Variants in BBOF1 observed in about 807,000 individuals in gnomAD.
BBOF1 encodes basal body orientation factor 1.
A neutral mutation model predicts 68.0 loss-of-function variants in BBOF1; 62 were observed. The ratio of observed to expected loss-of-function variants is 0.91; its 90% confidence interval spans 0.74 to 1.13. The LOEUF (loss-of-function observed/expected upper bound fraction) is 1.13. Ranked by LOEUF, BBOF1 falls within the 50% of genes most tolerant of loss-of-function variation. BBOF1 has a pLI of 0.00. For synonymous variants in BBOF1, 208 were observed against 198.8 expected (o/e 1.05, Z -0.39); for missense variants, 534 against 600.1 (o/e 0.89, Z 1.15).
downstream of BBOF1, chr14:74,070,929 A>T: frequency 2.1e-6 from 1 of 468,948 alleles, no homozygotes; most frequent in South Asian, 2.2e-5. Context: ...TGAAGAAAAA[A>T]GTTTCTTTTT....
chr14:74,032,292 A>G (rs1453029579), intron 3 of BBOF1, among the ~76,000 whole-genome samples: 1 of 151,266 alleles, frequency 6.6e-6, no homozygotes, highest in African/African-American at 2.4e-5. Flanking sequence ...ACACCTGGCT[A>G]ACTTTTGTAT....
chr14:74,035,181 C>T (rs189523068), intron 4 of BBOF1, among the ~76,000 whole-genome samples: 22 of 152,050 alleles, frequency 1.4e-4, no homozygotes, highest in Non-Finnish European at 2.5e-4. Flanking sequence ...TAAAATAGCA[C>T]GTCACATGGT....
intron 8 of BBOF1, among the ~76,000 whole-genome samples, chr14:74,052,126 T>A (rs1433828000): frequency 6.6e-6 from 1 of 151,816 alleles, no homozygotes; most frequent in Non-Finnish European, 1.5e-5. Flanking sequence ...TCAAATAAGT[T>A]GAGTCCCTAC....
rs1375071449 is a variant in BBOF1 at position 74,057,197 on chromosome 14, C to G, written c.1517C>G (p.Ser506Ter). 1.2e-6 allele frequency: 2 copies of G among 1,614,022 alleles called. No individual in the cohort carries two copies. Among genetic ancestry groups the G allele is most frequent in the Non-Finnish European group, 1.7e-6 (2 of 1,179,928 alleles). Residue 506 changes from serine (S) to a stop codon, truncating the protein, a stop_gained, in exon 11 of 12, where the codon TCA (serine) becomes TGA (stop). Coordinates refer to ENST00000394009, the MANE Select transcript of BBOF1 (RefSeq NM_025057.3). LOFTEE classifies it high-confidence loss of function. ...KIFITQQIAI[S>*]DSSGEVVLPT... Reference sequence around the variant, plus strand: ...TTCATCACCCAGCAAATTGCAATATCAGACTCTTCTGGTGAAGTGGTGCTA... The same window carrying G: ...TTCATCACCCAGCAAATTGCAATATGAGACTCTTCTGGTGAAGTGGTGCTA...
At chr14:74,027,704 G>A (rs754078544) in intron 2 of BBOF1, among the ~76,000 whole-genome samples, 4 of 152,026 alleles carry the variant, frequency 2.6e-5, no homozygotes, top group Non-Finnish European at 4.4e-5. Context: ...GTACTGAAAA[G>A]GATACATCAT....
intron 11 of BBOF1, among the ~76,000 whole-genome samples, chr14:74,063,571 A>AAG (rs775914703): frequency 1.3e-5 from 2 of 151,968 alleles, no homozygotes; most frequent in Non-Finnish European, 2.9e-5. Context: ...TTAAGGCATA[A>AAG]AGAAGGTATC....
intron 3 of BBOF1, among the ~76,000 whole-genome samples, chr14:74,032,648 C>T (rs2059600089): frequency 6.6e-6 from 1 of 151,646 alleles, no homozygotes; most frequent in Non-Finnish European, 1.5e-5. Context: ...TGCGTGCCAC[C>T]ATGCCTGGCT....
chr14:74,039,595 A>AT (rs35078321), intron 4 of BBOF1, among the ~76,000 whole-genome samples: 73,777 of 144,956 alleles, frequency 0.51, 19,056 homozygotes, highest in East Asian at 0.89. Flanking sequence ...CGCCTGGCTA[A>AT]TTTTTTTTTT....
intron 11 of BBOF1, among the ~76,000 whole-genome samples, chr14:74,064,293 G>A (rs1459499203): frequency 2.5e-5 from 3 of 118,492 alleles, no homozygotes; most frequent in African/African-American, 3.7e-5. Context: ...GCGAGACTGT[G>A]TCTCAAAAAA....
chr14:74,065,799 A>G lies in BBOF1; in HGVS notation c.*1100A>G, dbSNP rs1443179458. On this transcript the variant is annotated 3_prime_UTR_variant, in exon 12 of 12. Transcript: ENST00000394009. ...TCTGTAACATAAATAATCCATTCTT[A>G]TTCACTCCTTTGCCTCCCAAATATG... 5.2e-6 allele frequency: 1 copy of G among 190,630 alleles called. No individual in the cohort carries two copies. The highest frequency in any genetic ancestry group is 1.1e-5 in the Non-Finnish European group (1 of 90,746). 11.8% of individuals were successfully genotyped at this position (190,630 alleles called of 1,614,324 possible).
intron 11 of BBOF1, chr14:74,058,135 G>A (rs1318743281): frequency 6.5e-6 from 1 of 154,578 alleles, no homozygotes. Flanking sequence ...AGACCATCCT[G>A]GCTAACATGG....
At chr14:74,057,118 G>T in intron 10 of BBOF1, 26 bp from the exon 11 acceptor site, 1 of 1,604,918 alleles carries the variant, frequency 6.2e-7, no homozygotes, top group Non-Finnish European at 8.5e-7. Flanking sequence ...GTTGTTGACG[G>T]TTCTGTTATT....
chr14:74,047,225 C>T (rs1343569421), intron 6 of BBOF1, among the ~76,000 whole-genome samples: 1 of 152,108 alleles, frequency 6.6e-6, no homozygotes, highest in Non-Finnish European at 1.5e-5. Context: ...TCTTGTTCAT[C>T]GAACAATCCT....
chr14:74,049,770 C>G lies in BBOF1; in HGVS notation c.861C>G (p.Thr287=). 1 of 1,614,106 alleles carries G rather than the reference C, an allele frequency of 6.2e-7. No individual in the cohort carries two copies. Among genetic ancestry groups the G allele is most frequent in the South Asian group, 1.1e-5 (1 of 91,078 alleles). The change falls in exon 8 of 12, where the codon ACC becomes ACG. Residue 287 remains threonine (T), a synonymous_variant. Transcript: ENST00000394009. ...TCCAGCAGAGATCACAAATCCAAAC[C>G]CTTCAGAAGAAGGTAGTAAACTTGG... The part of the protein sequence containing the change: ...QLVQQRSQIQ[T]LQKKVVNLET...
intron 8 of BBOF1, among the ~76,000 whole-genome samples, chr14:74,051,548 A>G (rs2060067955): frequency 1.3e-5 from 2 of 151,760 alleles, no homozygotes; most frequent in East Asian, 1.9e-4. Context: ...AAATTTTCCA[A>G]AATTTTAGAG....
At chr14:74,047,039 C>T (rs930327459) in intron 6 of BBOF1, among the ~76,000 whole-genome samples, 1 of 152,152 alleles carries the variant, frequency 6.6e-6, no homozygotes, top group Non-Finnish European at 1.5e-5. Context: ...CATTTCTTAA[C>T]TTTCTTGAAG....
At chr14:74,070,835 T>C (rs1256005088), downstream of BBOF1, 1 of 281,264 alleles carries the variant, frequency 3.6e-6, no homozygotes, top group African/African-American at 2.2e-5. Flanking sequence ...GTATTAGCTA[T>C]TATTACATGA....
rs143969493 is a variant in BBOF1 at position 74,075,842 on chromosome 14, G to T, written n.1380-2354G>T. ...GGAAACAACCCAATGTCTACCATTG[G>T]ATGGGTGAATAAGGAAACTAATGTG... On this transcript the variant is annotated intron_variant and non_coding_transcript_variant, in intron 9 of 12. Coordinates refer to the BBOF1 transcript ENST00000492026. Among the ~76,000 whole-genome samples, 45 of 152,224 alleles carry T rather than the reference G, an allele frequency of 3.0e-4. 1 individual carries two copies. The East Asian group carries it at 8.3e-3, about 28-fold the overall frequency.
downstream of BBOF1, chr14:74,067,410 C>T (rs753692427): frequency 6.2e-7 from 1 of 1,613,794 alleles, no homozygotes; most frequent in African/African-American, 1.3e-5. Flanking sequence ...TTGGCATGCT[C>T]CACCAGCTCT....
Sources: allele counts gnomAD v4.1 joint callset (sites outside exome capture counted in the v4.1 genomes callset), GRCh38; gene constraint gnomAD v4.1.1; transcripts MANE v1.5; gene names NCBI Gene and HGNC (gene_info 2026-07-23, HGNC 2026-07-21).